The following KSR2 variants were observed in gnomAD, a reference collection of about 807,000 sequenced individuals.
The protein encoded by KSR2 is kinase suppressor of ras 2.
A neutral mutation model predicts 107.8 loss-of-function variants in KSR2; 25 were observed. The ratio of observed to expected loss-of-function variants is 0.23; its 90% CI spans 0.17 to 0.32. KSR2 has a LOEUF of 0.32. Ranked by LOEUF, KSR2 falls within the 10% of genes least tolerant of loss-of-function variation. KSR2 has a pLI of 1.00. For missense variants in KSR2, 887 were observed against 1,268.9 expected (o/e 0.70, Z 4.57); for synonymous variants, 480 against 507.0 (o/e 0.95, Z 0.71).
In KSR2 at chr12:117,575,342, C is replaced by T. The variant is rs114638718; in HGVS notation, c.1325+3777G>A. ...GAAGCTGCCTCCCCATCCTTGGTGT[C>T]ACCTCTCTGAAATGTCACCTGTCAC... On this transcript the variant is annotated intron_variant, in intron 7 of 19. Coordinates refer to ENST00000339824, the MANE Select transcript of KSR2 (RefSeq NM_173598.6). Among the ~76,000 whole-genome samples the T allele has an allele frequency of 3.3e-3, 503 of 152,336 alleles. 2 individuals carry two copies. Among genetic ancestry groups the T allele is most frequent in the African/African-American group, 0.011 (477 of 41,578 alleles).
intron 5 of KSR2, among the ~76,000 whole-genome samples, chr12:117,584,368 AAGGT>A (rs1009026501): frequency 1.3e-5 from 2 of 151,974 alleles, no homozygotes; most frequent in Non-Finnish European, 2.9e-5. Flanking sequence ...TTAACTCCTT[AAGGT>A]GCTTTCTCCA....
chr12:117,644,749 A>G (rs1216118371), intron 5 of KSR2, among the ~76,000 whole-genome samples: 1 of 152,164 alleles, frequency 6.6e-6, no homozygotes, highest in Admixed American at 6.5e-5. Flanking sequence ...TACTCATCAA[A>G]CAGGTTCATG....
intron 3 of KSR2, among the ~76,000 whole-genome samples, chr12:117,819,017 G>C (rs1392005996): frequency 1.3e-5 from 2 of 151,988 alleles, no homozygotes; most frequent in African/African-American, 2.4e-5. Context: ...CTTTTTTCCA[G>C]AGCATTGCTC....
intron 5 of KSR2, among the ~76,000 whole-genome samples, chr12:117,587,713 A>G (rs982690677): frequency 3.9e-5 from 6 of 152,142 alleles, no homozygotes; most frequent in African/African-American, 1.4e-4. Flanking sequence ...CTACAGGGGG[A>G]AATCAGAAAG....
chr12:117,640,319 C>T (rs2393247), intron 5 of KSR2, among the ~76,000 whole-genome samples: 25,075 of 151,760 alleles, frequency 0.17, 2,159 homozygotes, highest in Middle Eastern at 0.23. Flanking sequence ...GGCGCGATCT[C>T]AGCTCACTGC....
intron 9 of KSR2, among the ~76,000 whole-genome samples, chr12:117,553,540 T>C (rs1016572176): frequency 1.3e-5 from 2 of 152,204 alleles, no homozygotes; most frequent in African/African-American, 4.8e-5. Flanking sequence ...TCAGCTATCA[T>C]GATGTTCCTC....
rs1896861788 is a variant in KSR2, at chr12:117,968,324, TAG to T, written c.-71_-70del. 7.1e-7 allele frequency: 1 copy of T among 1,416,628 alleles called. No homozygotes were observed. Among genetic ancestry groups the T allele is most frequent in the Non-Finnish European group, 9.1e-7 (1 of 1,097,014 alleles). The allele number at this position is 1,416,628 out of a possible 1,614,324, so 87.8% of individuals were successfully genotyped here. A position where few individuals can be genotyped will look rare whatever the true frequency, so the allele number is the denominator to read the frequency against. On this transcript the variant is annotated 5_prime_UTR_variant, in exon 1 of 20. Coordinates refer to ENST00000339824, the MANE Select transcript of KSR2 (RefSeq NM_173598.6). ...GAAAAAAGAGGGGGGGGAGTAGAGGTAGTCTACCCTCCGCCTCTCCAACCACT... is the reference window on the plus strand; with the variant it reads ...GAAAAAAGAGGGGGGGGAGTAGAGGTTCTACCCTCCGCCTCTCCAACCACT...
chr12:117,745,999 T>A (rs1888392802), intron 4 of KSR2, among the ~76,000 whole-genome samples: 1 of 152,048 alleles, frequency 6.6e-6, no homozygotes, highest in Non-Finnish European at 1.5e-5. Flanking sequence ...GAACATGACT[T>A]TACTGCCCAA....
chr12:117,750,821 C>T (rs1888586379), intron 4 of KSR2, among the ~76,000 whole-genome samples: 1 of 152,162 alleles, frequency 6.6e-6, no homozygotes, highest in East Asian at 1.9e-4. Context: ...ATCCATGTTG[C>T]CACAAGGGAC....
At position 117,776,300 on chromosome 12, in the gene KSR2, G is replaced by C. The variant is rs1316435161; in HGVS notation, c.473-14776C>G. ...AAGAGAATGATTATCATCATTCATT[G>C]GACATTTTAAACTAAAACACAAAGC... On this transcript the variant is annotated intron_variant, in intron 3 of 19. Coordinates refer to ENST00000339824, the MANE Select transcript of KSR2 (RefSeq NM_173598.6). Among the ~76,000 whole-genome samples the C allele has an allele frequency of 5.3e-5, 8 of 151,980 alleles. No individual in the cohort carries two copies. In the East Asian group the frequency reaches 1.5e-3, roughly 29 times the overall value.
chr12:117,679,673 C>T (rs750278414), intron 4 of KSR2, among the ~76,000 whole-genome samples: 3 of 152,090 alleles, frequency 2.0e-5, no homozygotes, highest in Middle Eastern at 3.2e-3. Context: ...TCCATGCTGT[C>T]TTTTAGCCCA....
intron 5 of KSR2, among the ~76,000 whole-genome samples, chr12:117,605,618 A>G (rs1023466935): frequency 6.6e-6 from 1 of 152,134 alleles, no homozygotes; most frequent in Non-Finnish European, 1.5e-5. Flanking sequence ...CAATCCCATT[A>G]CTTGGTATAT....
intron 3 of KSR2, among the ~76,000 whole-genome samples, chr12:117,829,304 T>A (rs1414669877): frequency 6.6e-6 from 1 of 152,144 alleles, no homozygotes; most frequent in Non-Finnish European, 1.5e-5. Context: ...AACTTTCTGG[T>A]TTTATACCCA....
chr12:117,582,649 A>G (rs1879738016), intron 5 of KSR2, among the ~76,000 whole-genome samples: 1 of 152,210 alleles, frequency 6.6e-6, no homozygotes, highest in African/African-American at 2.4e-5. Flanking sequence ...AGCATGTGCT[A>G]AGTGATTCGC....
intron 1 of KSR2, among the ~76,000 whole-genome samples, chr12:117,962,800 CA>C (rs531801701): frequency 1.4e-4 from 20 of 146,554 alleles, no homozygotes; most frequent in East Asian, 3.9e-4. Context: ...CTATAAACAT[CA>C]AAAAAAAAAT....
At chr12:117,849,315 T>C (rs1941288449) in intron 3 of KSR2, among the ~76,000 whole-genome samples, 1 of 152,124 alleles carries the variant, frequency 6.6e-6, no homozygotes, top group Admixed American at 6.6e-5. Flanking sequence ...CCCCCCACAC[T>C]AGAAAGTAAA....
intron 4 of KSR2, among the ~76,000 whole-genome samples, chr12:117,690,342 T>A (rs1197924610): frequency 6.6e-6 from 1 of 152,176 alleles, no homozygotes; most frequent in African/African-American, 2.4e-5. Context: ...GATGGGTGGA[T>A]CACCTGAGGT....
intron 15 of KSR2, among the ~76,000 whole-genome samples, chr12:117,485,344 C>T (rs981406848): frequency 6.6e-6 from 1 of 152,122 alleles, no homozygotes; most frequent in African/African-American, 2.4e-5. Context: ...TTGCATAGGT[C>T]CAAGTACCAT....
At chr12:117,729,559 T>C (rs1206425570) in intron 4 of KSR2, among the ~76,000 whole-genome samples, 1 of 152,138 alleles carries the variant, frequency 6.6e-6, no homozygotes, top group Non-Finnish European at 1.5e-5. Flanking sequence ...CCTCCGTCCC[T>C]ACCTAAGGTC....
Sources: allele counts gnomAD v4.1 joint callset (sites outside exome capture counted in the v4.1 genomes callset), GRCh38; gene constraint gnomAD v4.1.1; transcripts MANE v1.5; gene names NCBI Gene and HGNC (gene_info 2026-07-23, HGNC 2026-07-21).